Variants in SEZ6L observed in about 807,000 individuals in gnomAD.
SEZ6L encodes the protein seizure related 6 homolog like, also known as seizure 6-like protein.
A neutral mutation model predicts 106.2 loss-of-function variants in SEZ6L; 37 were observed. The ratio of observed to expected loss-of-function variants is 0.35; its 90% CI spans 0.27 to 0.46. SEZ6L has a LOEUF of 0.46. Among genes scored for constraint, SEZ6L ranks in the 20% least tolerant of loss-of-function variants. The pLI, the probability that SEZ6L is intolerant of heterozygous loss-of-function variation, is 1.00. For synonymous variants in SEZ6L, 541 were observed against 570.4 expected, an observed-to-expected ratio of 0.95 and a Z score of 0.73; for missense variants, 1,172 against 1,332.8, an observed-to-expected ratio of 0.88 and a Z score of 1.88.
chr22:26,350,194 G>GTATA (rs201613241), intron 11 of SEZ6L, among the ~76,000 whole-genome samples: 2 of 138,736 alleles, frequency 1.4e-5, no homozygotes, highest in African/African-American at 5.7e-5. Flanking sequence ...GTGTGTGTGT[G>GTATA]TATATATATA....
intron 3 of SEZ6L, 152 bp downstream of exon 3, chr22:26,294,577 G>A (rs2081236306): frequency 3.0e-6 from 2 of 669,026 alleles, no homozygotes; most frequent in African/African-American, 1.8e-5. Context: ...GAATGAGTAG[G>A]AGTTCTTAAC....
At chr22:26,256,135 G>C (rs1005395739) in intron 1 of SEZ6L, among the ~76,000 whole-genome samples, 1 of 152,204 alleles carries the variant, frequency 6.6e-6, no homozygotes, top group Non-Finnish European at 1.5e-5. Context: ...ATAAAAATGG[G>C]AAGGAGCATG....
intron 9 of SEZ6L, among the ~76,000 whole-genome samples, chr22:26,321,456 T>C (rs1370469897): frequency 6.6e-6 from 1 of 152,162 alleles, no homozygotes; most frequent in East Asian, 1.9e-4. Context: ...GTTTAAGCAC[T>C]TAAAGAGATT....
rs1373959225 is a variant in SEZ6L, at chr22:26,302,149, A to AT, written c.1348+2980_1348+2981insT. Among the ~76,000 whole-genome samples, 7 of 152,358 alleles carry AT rather than the reference A, an allele frequency of 4.6e-5. No individual in the cohort carries two copies. In the East Asian group the frequency reaches 1.3e-3, roughly 29 times the overall value. ...GTAACATACTTGAAGTGGCGAACTT[A>AT]GTCCAGATCCCTTCTCTCCTGAGCT... On this transcript the variant is annotated intron_variant, in intron 5 of 16. Coordinates refer to ENST00000248933, the MANE Select transcript of SEZ6L (RefSeq NM_021115.5).
chr22:26,222,006 C>T (rs2078490428), intron 1 of SEZ6L, among the ~76,000 whole-genome samples: 1 of 152,168 alleles, frequency 6.6e-6, no homozygotes, highest in Admixed American at 6.5e-5. Context: ...TACTATTTCC[C>T]TGTCAAGGTA....
chr22:26,282,293 A>C (rs1234190917), intron 1 of SEZ6L, among the ~76,000 whole-genome samples: 2 of 152,140 alleles, frequency 1.3e-5, no homozygotes, highest in Admixed American at 1.3e-4. Context: ...TTGTTTCCAG[A>C]TTTTTGCTAC....
chr22:26,304,376 GAAAGAAAGAAAGAAAGAAAGAAAGA>G (rs2081557513), intron 5 of SEZ6L, among the ~76,000 whole-genome samples: 1 of 65,886 alleles, frequency 1.5e-5, no homozygotes, highest in African/African-American at 6.4e-5. Flanking sequence ...AAAGAAGAAA[GAAAGAAAGAAAGAAAGAAAGAAAGA>G]AAGAAAGAAA....
chr22:26,346,679 C>A (rs2083017923), intron 10 of SEZ6L, among the ~76,000 whole-genome samples: 2 of 152,184 alleles, frequency 1.3e-5, no homozygotes, highest in African/African-American at 4.8e-5. Context: ...ATGTGGCTGG[C>A]AAGTCAATGC....
chr22:26,287,552 T>C (rs2080977457), intron 1 of SEZ6L, among the ~76,000 whole-genome samples: 1 of 152,112 alleles, frequency 6.6e-6, no homozygotes, highest in Non-Finnish European at 1.5e-5. Flanking sequence ...AAAACAAGGC[T>C]ATTGGGGCAA....
intron 9 of SEZ6L, among the ~76,000 whole-genome samples, chr22:26,318,233 C>T (rs2082060546): frequency 6.6e-6 from 1 of 151,912 alleles, no homozygotes; most frequent in African/African-American, 2.4e-5. Flanking sequence ...GCCACCACAC[C>T]CAGCTAATTT....
At chr22:26,353,871 TG>T (rs2083354759) in intron 12 of SEZ6L, among the ~76,000 whole-genome samples, 1 of 152,080 alleles carries the variant, frequency 6.6e-6, no homozygotes, top group Non-Finnish European at 1.5e-5. Flanking sequence ...TGACCTTGAT[TG>T]GACACAGTGT....
intron 13 of SEZ6L, among the ~76,000 whole-genome samples, chr22:26,372,206 C>A (rs558691394): frequency 6.6e-6 from 1 of 152,154 alleles, no homozygotes; most frequent in African/African-American, 2.4e-5. Flanking sequence ...AGAGGTCCAC[C>A]GCTGAGAATA....
Position 26,365,526 on chromosome 22 carries a change from A to ATGCATC in SEZ6L, c.2754_2755insTGCATC (p.Gly918_Gln919insCysIle). ...AAGTGACCATCCGCTGCATCCTGGG[A>ATGCATC]CAGCCATCCCACTGGAACGGGCCCC... On this transcript the variant is annotated inframe_insertion, in exon 13 of 17. Transcript: ENST00000248933. The ATGCATC allele has an allele frequency of 6.2e-7, 1 of 1,614,112 alleles. No individual in the cohort carries two copies. The highest frequency in any genetic ancestry group is 8.5e-7 in the Non-Finnish European group (1 of 1,179,984).
intron 1 of SEZ6L, among the ~76,000 whole-genome samples, chr22:26,195,065 T>G (rs1370309998): frequency 6.6e-6 from 1 of 152,196 alleles, no homozygotes; most frequent in Non-Finnish European, 1.5e-5. Flanking sequence ...CAACTGGGAA[T>G]GACTCAGTGT....
At chr22:26,204,689 T>C (rs1602024266) in intron 1 of SEZ6L, among the ~76,000 whole-genome samples, 1 of 152,132 alleles carries the variant, frequency 6.6e-6, no homozygotes, top group East Asian at 1.9e-4. Flanking sequence ...TGGACAGAGG[T>C]GAAGCAGTTT....
rs970626045 is a variant in SEZ6L at position 26,202,251 on chromosome 22, A to G, written c.94+32488A>G. Among the ~76,000 whole-genome samples the G allele has an allele frequency of 2.0e-5, 3 of 152,266 alleles. No homozygotes were observed. In the South Asian group the frequency reaches 6.2e-4, roughly 32 times the overall value. ...TTTATTCTCTCTCATGCCTGCATCTATCTGCACATACATTCCTTTAAACAA... is the reference window on the plus strand; with the variant it reads ...TTTATTCTCTCTCATGCCTGCATCTGTCTGCACATACATTCCTTTAAACAA... On this transcript the variant is annotated intron_variant, in intron 1 of 16. Transcript: ENST00000248933.
Position 26,340,472 on chromosome 22 carries a change from C to T in SEZ6L, c.2052C>T (p.Tyr684=), listed in dbSNP as rs138699202. ...GCAACAGTGACATCTTGACCATCTACGATGGCGACGAGGTCATGCCCCACA... is the reference window on the plus strand; with the variant it reads ...GCAACAGTGACATCTTGACCATCTATGATGGCGACGAGGTCATGCCCCACA... The part of the protein sequence containing the change: ...NLSNSDILTI[Y]DGDEVMPHIL... The change falls in exon 10 of 17, where the codon TAC becomes TAT. Residue 684 remains tyrosine (Y), a synonymous_variant. Transcript: ENST00000248933. The T allele has an allele frequency of 8.1e-5, 131 of 1,613,830 alleles. No individual in the cohort carries two copies. The highest frequency in any genetic ancestry group is 1.1e-4 in the Non-Finnish European group (125 of 1,179,920).
intron 9 of SEZ6L, among the ~76,000 whole-genome samples, chr22:26,337,037 C>A (rs1209420173): frequency 6.6e-6 from 1 of 152,138 alleles, no homozygotes; most frequent in Non-Finnish European, 1.5e-5. Context: ...CGAGCTTGCC[C>A]AGGTGCTAAT....
chr22:26,276,744 G>A (rs910609743), intron 1 of SEZ6L, among the ~76,000 whole-genome samples: 4 of 152,128 alleles, frequency 2.6e-5, no homozygotes, highest in African/African-American at 4.8e-5. Flanking sequence ...TCACAAAGCC[G>A]TACCATGAGA....
Sources: allele counts gnomAD v4.1 joint callset (sites outside exome capture counted in the v4.1 genomes callset), GRCh38; gene constraint gnomAD v4.1.1; transcripts MANE v1.5; gene names NCBI Gene and HGNC (gene_info 2026-07-23, HGNC 2026-07-21).